Variants in ADCY4 observed in about 807,000 individuals in gnomAD.
ADCY4 encodes adenylate cyclase 4.
Under a neutral mutation model 125.5 loss-of-function variants are expected in ADCY4, and 111 were observed. The observed-to-expected ratio is 0.88, with a 90% CI of 0.76 to 1.04. ADCY4 has a LOEUF of 1.04. Among genes scored for constraint, ADCY4 ranks in the 50% least tolerant of loss-of-function variants. ADCY4 has a pLI of 0.00. For synonymous variants in ADCY4, 576 were observed against 586.9 expected (o/e 0.98, Z 0.27); for missense variants, 1,256 against 1,382.9 (o/e 0.91, Z 1.46).
At chr14:24,322,804 C>T (rs2041875457) in intron 18 of ADCY4, 96 bp from the exon 19 acceptor site, 3 of 1,546,852 alleles carry the variant, frequency 1.9e-6, no homozygotes, top group Non-Finnish European at 2.6e-6. Flanking sequence ...CCACTTTGCC[C>T]TGTGGGTGAT....
At chr14:24,331,377 C>T in intron 4 of ADCY4, 21 bp from the exon 5 acceptor site, 2 of 1,612,946 alleles carry the variant, frequency 1.2e-6, no homozygotes, top group Non-Finnish European at 1.7e-6. Flanking sequence ...TCACCATGAA[C>T]ACCAACTCTT....
chr14:24,320,549 C>G (rs555634393), intron 20 of ADCY4, among the ~76,000 whole-genome samples: 13 of 152,260 alleles, frequency 8.5e-5, no homozygotes, highest in Admixed American at 2.6e-4. Flanking sequence ...GGGCATAAGG[C>G]TGTGAAAGAG....
At chr14:24,332,224 C>G (rs1197823068) in intron 3 of ADCY4, 2 of 463,776 alleles carry the variant, frequency 4.3e-6, no homozygotes, top group Middle Eastern at 5.6e-4. Flanking sequence ...CTACCCACTC[C>G]CATCGCACAA....
Position 24,324,198 on chromosome 14 carries a change from C to T in ADCY4, c.1910G>A (p.Arg637Lys). ...LFVCFSEDLM[R>K]CVLKGPKMLH... The stretch of plus-strand genomic sequence containing the variant: ...CATCTTGGGGCCTTTCAGGACACAC[C>T]TCTGTGGAGGGAGCATGGGCATCTT... Residue 637 changes from arginine to lysine, a missense_variant and splice_region_variant, in exon 16 of 25, where the codon AGG (arginine) becomes AAG (lysine). Arg to Lys is a conservative substitution (Grantham distance 26). Coordinates refer to ENST00000418030, the MANE Select transcript of ADCY4 (RefSeq NM_001198568.2). The T allele has an allele frequency of 6.2e-7, 1 of 1,614,206 alleles. No homozygotes were observed.
At chr14:24,334,412 C>T in intron 1 of ADCY4, 82 bp downstream of exon 1, 2 of 1,459,722 alleles carry the variant, frequency 1.4e-6, no homozygotes, top group Non-Finnish European at 1.8e-6. Context: ...AACGAAAACA[C>T]ATCGAAAAGA....
At chr14:24,330,832 G>A (rs918430252) in intron 6 of ADCY4, 186 bp downstream of exon 6, 5 of 591,770 alleles carry the variant, frequency 8.4e-6, no homozygotes, top group South Asian at 2.2e-5. Context: ...TAGGTTTGAG[G>A]TGTGTGGTGA....
chr14:24,325,155 A>G (rs1349430407), intron 14 of ADCY4, among the ~76,000 whole-genome samples: 4 of 151,616 alleles, frequency 2.6e-5, no homozygotes, highest in Non-Finnish European at 5.9e-5. Flanking sequence ...ATCAAAAGAG[A>G]TGCTCATGGG....
Position 24,324,326 on chromosome 14 carries a change from C to G in ADCY4, c.1889G>C (p.Cys630Ser), listed in dbSNP as rs1269991671. The G allele has an allele frequency of 1.2e-6, 2 of 1,614,188 alleles. No homozygotes were observed. Among genetic ancestry groups the G allele is most frequent in the Non-Finnish European group, 1.7e-6 (2 of 1,180,026 alleles). Residue 630 changes from cysteine to serine, a missense_variant, in exon 15 of 25, where the codon TGC (cysteine) becomes TCC (serine). By Grantham distance (112) the Cys-to-Ser change is moderately radical. Coordinates refer to ENST00000418030, the MANE Select transcript of ADCY4 (RefSeq NM_001198568.2). ...CCTCACCATCAGGTCCTCTGAGAAGCAGACAAAAAGGATGAGGAGGAAGAG... is the reference window on the plus strand; with the variant it reads ...CCTCACCATCAGGTCCTCTGAGAAGGAGACAAAAAGGATGAGGAGGAAGAG... Reference protein sequence around the residue: ...FLLFLLILFVCFSEDLMRCVL... With the variant: ...FLLFLLILFVSFSEDLMRCVL...
chr14:24,322,573 A>C (rs2041869047), intron 19 of ADCY4, 51 bp downstream of exon 19: 8 of 1,573,118 alleles, frequency 5.1e-6, no homozygotes, highest in Non-Finnish European at 7.0e-6. Context: ...AGTCACAGAT[A>C]TGGGGGCCAC....
At chr14:24,334,377 G>A in intron 1 of ADCY4, 117 bp downstream of exon 1, 1 of 1,437,502 alleles carries the variant, frequency 7.0e-7, no homozygotes, top group Non-Finnish European at 9.1e-7. Flanking sequence ...CAGGCTCAAT[G>A]GTCCTTTCTT....
At position 24,322,099 on chromosome 14, in the gene ADCY4, G is replaced by T. The variant is rs139981959; in HGVS notation, c.2553C>A (p.Ala851=). 1 of 1,613,890 alleles carries T rather than the reference G, an allele frequency of 6.2e-7. No individual in the cohort carries two copies. The highest frequency in any genetic ancestry group is 1.1e-5 in the South Asian group (1 of 91,062). ...GCCGGTTCTGGCCAATGAACTGGGG[G>T]GCCACGTGTGCAGGGAGCACGTTCT... ...LLENVLPAHV[A]PQFIGQNRRN... is the part of the protein sequence containing the mutation. The change falls in exon 20 of 25, where the codon GCC becomes GCA. Residue 851 remains alanine, a synonymous_variant. Coordinates refer to ENST00000418030, the MANE Select transcript of ADCY4 (RefSeq NM_001198568.2).
Position 24,332,672 on chromosome 14 carries a change from A to G in ADCY4, c.369T>C (p.Phe123=), listed in dbSNP as rs2042061628. The G allele has an allele frequency of 6.3e-7, 1 of 1,588,862 alleles. No homozygotes were observed. Among genetic ancestry groups the G allele is most frequent in the Non-Finnish European group, 8.6e-7 (1 of 1,167,790 alleles). The change falls in exon 3 of 25, where the codon TTT becomes TTC. Residue 123 remains phenylalanine (F), a synonymous_variant. Coordinates refer to ENST00000418030, the MANE Select transcript of ADCY4 (RefSeq NM_001198568.2). ...VVSAWDQVSY[F]LFVIFTAYAM... The stretch of plus-strand genomic sequence containing the variant: ...CATACGCCGTGAAGATGACGAAGAG[A>G]AAATAGGACACCTGGGGGCGGGGCG...
chr14:24,323,785 G>C (rs571554048), intron 16 of ADCY4: 1 of 510,646 alleles, frequency 2.0e-6, no homozygotes, highest in Non-Finnish European at 2.5e-6. Context: ...CTAGGAATGA[G>C]TCTAAATCCT....
At position 24,319,833 on chromosome 14, in the gene ADCY4, T is replaced by A; in HGVS notation, c.2642A>T (p.Asp881Val). Residue 881 changes from aspartate (D) to valine (V), a missense_variant, in exon 21 of 25, where the codon GAC becomes GTC. Coordinates refer to ENST00000418030, the MANE Select transcript of ADCY4 (RefSeq NM_001198568.2). The surrounding 1 kb of genome is among the most constrained non-coding windows in gnomAD (Gnocchi z 4.5). The stretch of plus-strand genomic sequence containing the variant: ...GGATTCAGAGTAGAACTCCTTGAAG[T>A]CTGGGACTGAGGCGAAGAGGACACA... ...CVCVLFASVP[D>V]FKEFYSESNI... 6.2e-7 allele frequency: 1 copy of A among 1,614,036 alleles called. No individual in the cohort carries two copies. The highest frequency in any genetic ancestry group is 8.5e-7 in the Non-Finnish European group (1 of 1,180,000).
rs147879547 is a variant in ADCY4 at position 24,329,168 on chromosome 14, G to A, written c.1417C>T (p.Arg473Cys). The A allele has an allele frequency of 1.6e-5, 26 of 1,613,830 alleles. No homozygotes were observed. Among genetic ancestry groups the A allele is most frequent in the East Asian group, 2.2e-5 (1 of 44,886 alleles). ...TAACGGGTCATCAGCAGTGATGGAC[G>A]CATCTTGAGGCCCTCAAGCGAGGAC... The part of the protein sequence containing the change: ...LLSSLEGLKM[R>C]PSLLMTRYLE... The change falls in exon 10 of 25, where the codon CGT (arginine) becomes TGT (cysteine). Residue 473 changes from arginine to cysteine, a missense_variant. Arg to Cys is a radical substitution (Grantham distance 180). Coordinates refer to ENST00000418030, the MANE Select transcript of ADCY4 (RefSeq NM_001198568.2).
rs1272764048 is a variant in ADCY4 at position 24,326,546 on chromosome 14, CT to C, written c.1525-205del. ...GTTTGAATCTCCTTAAAGTTTCCCC[CT>C]GACTCTCTAGACTCCCAGGATCTTT... On this transcript the variant is annotated intron_variant, in intron 10 of 24. Transcript: ENST00000418030. 28 of 613,976 alleles carry C rather than the reference CT, an allele frequency of 4.6e-5. No homozygotes were observed. The East Asian group carries it at 6.2e-4, about 14-fold the overall frequency. The allele number at this position is 613,976 out of a possible 1,614,324, so 38.0% of individuals were successfully genotyped here.
rs2042103424 is a variant in ADCY4 at position 24,334,556 on chromosome 14, G to C, written c.97C>G (p.Leu33Val). The C allele has an allele frequency of 6.3e-7, 1 of 1,581,300 alleles. No individual in the cohort carries two copies. The change falls in exon 1 of 25, where the codon CTG becomes GTG. Residue 33 changes from leucine to valine, a missense_variant. Leu to Val is a conservative substitution (Grantham distance 32). Coordinates refer to ENST00000418030, the MANE Select transcript of ADCY4 (RefSeq NM_001198568.2). ...LSQQYPLLLL[L>V]LGIVLCALAA... ...AGCGCACAGAGCACGATCCCCAGCAGCAGCAGCAGCAGCGGGTACTGCTGG... is the reference window on the plus strand; with the variant it reads ...AGCGCACAGAGCACGATCCCCAGCACCAGCAGCAGCAGCGGGTACTGCTGG...
chr14:24,330,133 C>A, intron 7 of ADCY4, 35 bp downstream of exon 7: 1 of 1,605,324 alleles, frequency 6.2e-7, no homozygotes. Context: ...CCACATCCAC[C>A]CTCAGCATTC....
Position 24,330,039 on chromosome 14 carries a change from A to G in ADCY4, c.1059-21T>C, listed in dbSNP as rs769204222. 56 of 1,608,790 alleles carry G rather than the reference A, an allele frequency of 3.5e-5. No individual in the cohort carries two copies. In the South Asian group the frequency reaches 5.8e-4, roughly 17 times the overall value. On this transcript the variant is annotated intron_variant, in intron 7 of 24. Transcript: ENST00000418030. ...GTTTCCTGAGCAGTGTGTGTGTGGG[A>G]CAATCTGAGTCCTACCCTCAGCCCT...
Sources: allele counts gnomAD v4.1 joint callset (sites outside exome capture counted in the v4.1 genomes callset), GRCh38; gene constraint gnomAD v4.1.1; non-coding constraint Gnocchi (gnomAD v3.1); transcripts MANE v1.5; gene names NCBI Gene and HGNC (gene_info 2026-07-23, HGNC 2026-07-21).